The following NTF3 variants were observed in gnomAD, a reference collection of about 807,000 sequenced individuals.
The protein encoded by NTF3 is neurotrophin-3.
In NTF3, 8 loss-of-function variants were observed where a neutral mutation model predicts 26.3. That is an observed-to-expected ratio of 0.30 (90% CI 0.18 to 0.55). The LOEUF (loss-of-function observed/expected upper bound fraction) is 0.55, where lower values mean the gene tolerates loss of function less well. Ranked by LOEUF, NTF3 falls within the 20% of genes least tolerant of loss-of-function variation. NTF3 has a pLI of 0.93. For synonymous variants in NTF3, 154 were observed against 145.5 expected, an observed-to-expected ratio of 1.06 and a Z score of -0.42; for missense variants, 276 against 352.9, an observed-to-expected ratio of 0.78 and a Z score of 1.75.
intron 1 of NTF3, among the ~76,000 whole-genome samples, chr12:5,465,220 G>T (rs1005304849): frequency 4.6e-5 from 7 of 152,206 alleles, no homozygotes; most frequent in African/African-American, 1.7e-4. Flanking sequence ...GGCCACTGTG[G>T]GCTGGATTGT....
At chr12:5,488,121 C>T (rs1365097107) in intron 1 of NTF3, among the ~76,000 whole-genome samples, 1 of 152,204 alleles carries the variant, frequency 6.6e-6, no homozygotes, top group Non-Finnish European at 1.5e-5. Flanking sequence ...TTCATGTGAG[C>T]TCATTTCTCA....
chr12:5,435,787 C>T (rs1161030351), intron 1 of NTF3, among the ~76,000 whole-genome samples: 1 of 151,840 alleles, frequency 6.6e-6, no homozygotes, highest in African/African-American at 2.4e-5. Context: ...TTCTGGGCTA[C>T]GAGTGTAAAG....
intron 1 of NTF3, among the ~76,000 whole-genome samples, chr12:5,491,162 C>T (rs1449550265): frequency 6.6e-6 from 1 of 152,232 alleles, no homozygotes; most frequent in Non-Finnish European, 1.5e-5. Context: ...TTCACCACAA[C>T]TGCAGGCCTC....
Position 5,494,320 on chromosome 12 carries a change from AT to A in NTF3, c.147del (p.Lys50SerfsTer2). 6.2e-7 allele frequency: 1 copy of A among 1,614,142 alleles called. No homozygotes were observed. The highest frequency in any genetic ancestry group is 8.5e-7 in the Non-Finnish European group (1 of 1,180,030). ...LPEDSLNSLIIKLIQADILKN... is the reference protein window; with the variant it reads ...LPEDSLNSLIXKLIQADILKN... ...AGAAGACTCGCTCAATTCCCTCATT[AT>A]TAAGCTGATCCAGGCAGATATTTTG... On this transcript the variant is annotated frameshift_variant, in exon 2 of 2. Coordinates refer to ENST00000423158, the MANE Select transcript of NTF3 (RefSeq NM_001102654.2). LOFTEE classifies it high-confidence loss of function. The surrounding 1 kb of genome is among the most constrained non-coding windows in gnomAD (Gnocchi z 8.3).
chr12:5,494,218 T>A lies in NTF3; in HGVS notation c.43T>A (p.Ser15Thr). 1 of 1,613,796 alleles carries A rather than the reference T, an allele frequency of 6.2e-7. No homozygotes were observed. Among genetic ancestry groups the A allele is most frequent in the Non-Finnish European group, 8.5e-7 (1 of 1,179,964 alleles). ...ATILQVNKVMSILFYVIFLAY... is the reference protein window; with the variant it reads ...ATILQVNKVMTILFYVIFLAY... ...GATCTTACAGGTGAACAAGGTGATG[T>A]CCATCTTGTTTTATGTGATATTTCT... Residue 15 changes from serine to threonine, a missense_variant, in exon 2 of 2, where the codon TCC becomes ACC. Transcript: ENST00000423158. The surrounding 1 kb of genome is among the most constrained non-coding windows in gnomAD (Gnocchi z 8.3).
At chr12:5,444,845 C>A (rs10744680) in intron 1 of NTF3, among the ~76,000 whole-genome samples, 149,155 of 152,336 alleles carry the variant, frequency 0.98, 73,103 homozygotes, top group East Asian at 1. Flanking sequence ...CAAACGAATG[C>A]ATGAGATGCA....
rs752401512 is a variant in NTF3 at position 5,494,878 on chromosome 12, A to G, written c.703A>G (p.Thr235Ala). Residue 235 changes from threonine (T) to alanine (A), a missense_variant, in exon 2 of 2, where the codon ACC becomes GCC. Transcript: ENST00000423158. This position sits in a 1 kb window ranked among gnomAD's most constrained non-coding sequence, Gnocchi z 8.3. The part of the protein sequence containing the change: ...HWNSQCKTSQ[T>A]YVRALTSENN... ...GAACTCTCAGTGCAAAACATCCCAA[A>G]CCTACGTCCGAGCACTGACTTCAGA... is the stretch of plus-strand genomic sequence containing the variant. 1 of 1,614,100 alleles carries G rather than the reference A, an allele frequency of 6.2e-7. No individual in the cohort carries two copies. Among genetic ancestry groups the G allele is most frequent in the Admixed American group, 1.7e-5 (1 of 60,016 alleles).
At chr12:5,444,548 G>T (rs1191788967) in intron 1 of NTF3, among the ~76,000 whole-genome samples, 1 of 152,218 alleles carries the variant, frequency 6.6e-6, no homozygotes, top group Non-Finnish European at 1.5e-5. Flanking sequence ...AGACCCCAAG[G>T]TGAGAGAAAG....
intron 1 of NTF3, among the ~76,000 whole-genome samples, chr12:5,473,876 A>G (rs1047103396): frequency 6.6e-6 from 1 of 152,248 alleles, no homozygotes; most frequent in South Asian, 2.1e-4. Context: ...GTGTGAGATC[A>G]CCCATGTCAT....
chr12:5,492,030 A>G (rs1354945479), intron 1 of NTF3, among the ~76,000 whole-genome samples: 1 of 152,050 alleles, frequency 6.6e-6, no homozygotes, highest in Non-Finnish European at 1.5e-5. Flanking sequence ...CTCTTCTTTA[A>G]ACTGCATTTA....
chr12:5,439,677 T>C (rs1940214300), intron 1 of NTF3, among the ~76,000 whole-genome samples: 1 of 152,230 alleles, frequency 6.6e-6, no homozygotes, highest in African/African-American at 2.4e-5. Flanking sequence ...AATTGCCTCC[T>C]TGTAAACTCT....
At chr12:5,482,750 T>C (rs1408043488) in intron 1 of NTF3, among the ~76,000 whole-genome samples, 2 of 151,536 alleles carry the variant, frequency 1.3e-5, no homozygotes, top group African/African-American at 4.9e-5. Flanking sequence ...TCCGTGTCTC[T>C]CTCCTCTCTT....
chr12:5,477,984 G>A (rs1350409360), intron 1 of NTF3, among the ~76,000 whole-genome samples: 1 of 152,180 alleles, frequency 6.6e-6, no homozygotes, highest in Non-Finnish European at 1.5e-5. Flanking sequence ...CTTGGTGACT[G>A]CTTTCGTCTC....
chr12:5,440,669 A>G (rs948057652), intron 1 of NTF3, among the ~76,000 whole-genome samples: 14 of 152,244 alleles, frequency 9.2e-5, no homozygotes, highest in Non-Finnish European at 1.9e-4. Context: ...GTCTCCCTGC[A>G]GAGAGCCCAG....
rs890018096 is a variant in NTF3 at position 5,465,573 on chromosome 12, C to G, written c.19-28621C>G. Reference sequence around the variant, plus strand: ...AGCAGTGTGCACAGCAGGCATATATCATGAAATGCCTCATTTATTCCTCAT... The same window carrying G: ...AGCAGTGTGCACAGCAGGCATATATGATGAAATGCCTCATTTATTCCTCAT... On this transcript the variant is annotated intron_variant, in intron 1 of 1. Coordinates refer to ENST00000423158, the MANE Select transcript of NTF3 (RefSeq NM_001102654.2). 4.0e-4 allele frequency among the ~76,000 whole-genome samples: 61 copies of G among 152,256 alleles called. 1 individual carries two copies. Among genetic ancestry groups the G allele is most frequent in the African/African-American group, 1.4e-3 (60 of 41,468 alleles).
At chr12:5,487,739 A>G (rs764175382) in intron 1 of NTF3, among the ~76,000 whole-genome samples, 9 of 152,238 alleles carry the variant, frequency 5.9e-5, no homozygotes, top group Non-Finnish European at 1.3e-4. Context: ...CTTAAAGAAC[A>G]GGATAGGAAT....
Position 5,487,868 on chromosome 12 carries a change from C to T in NTF3, c.19-6326C>T, listed in dbSNP as rs139618288. 2.0e-4 allele frequency among the ~76,000 whole-genome samples: 30 copies of T among 152,326 alleles called. No individual in the cohort carries two copies. In the East Asian group the frequency reaches 5.8e-3, roughly 29 times the overall value. ...ACCAACAGAGAGACTAGCTGTTTCT[C>T]CTCTAGCTCACTGACTGCTTCTAGT... is the stretch of plus-strand genomic sequence containing the variant. On this transcript the variant is annotated intron_variant, in intron 1 of 1. Coordinates refer to ENST00000423158, the MANE Select transcript of NTF3 (RefSeq NM_001102654.2).
chr12:5,431,677 C>CT (rs1244430413), upstream of NTF3, among the ~76,000 whole-genome samples: 133 of 152,066 alleles, frequency 8.7e-4, no homozygotes, highest in African/African-American at 3.1e-3. Flanking sequence ...GGAAAAGGCC[C>CT]TGATGCCTTG....
At chr12:5,457,336 C>T (rs1940464626) in intron 1 of NTF3, among the ~76,000 whole-genome samples, 2 of 152,168 alleles carry the variant, frequency 1.3e-5, no homozygotes, top group Admixed American at 6.5e-5. Context: ...TTCCTCATTT[C>T]CTGTTCAATG....
Sources: allele counts gnomAD v4.1 joint callset (sites outside exome capture counted in the v4.1 genomes callset), GRCh38; gene constraint gnomAD v4.1.1; non-coding constraint Gnocchi (gnomAD v3.1); transcripts MANE v1.5; gene names NCBI Gene and HGNC (gene_info 2026-07-23, HGNC 2026-07-21).